SYT2: variants seen among roughly 807,000 people sequenced by gnomAD.
SYT2 encodes synaptotagmin 2.
Under a neutral mutation model 39.9 loss-of-function variants are expected in SYT2, and 15 were observed. The observed-to-expected ratio is 0.38, with a 90% CI of 0.25 to 0.58. The LOEUF is 0.58. Ranked by LOEUF, SYT2 falls within the 20% of genes least tolerant of loss-of-function variation. The pLI, the probability that SYT2 is intolerant of heterozygous loss-of-function variation, is 0.70. For synonymous variants in SYT2, 181 were observed against 204.5 expected, an observed-to-expected ratio of 0.89 and a Z score of 0.98; for missense variants, 389 against 530.3, an observed-to-expected ratio of 0.73 and a Z score of 2.62.
intron 1 of SYT2, among the ~76,000 whole-genome samples, chr1:202,707,650 C>CTG (rs1268770601): frequency 3.3e-5 from 5 of 152,248 alleles, no homozygotes; most frequent in Admixed American, 6.5e-5. Flanking sequence ...ACTCTGTCCT[C>CTG]ACTGCCTTCT....
intron 1 of SYT2, among the ~76,000 whole-genome samples, chr1:202,698,411 G>T (rs1358023777): frequency 2.0e-5 from 3 of 152,156 alleles, no homozygotes; most frequent in African/African-American, 7.2e-5. Flanking sequence ...TCTGAAGGCG[G>T]TTCCTCCACC....
intron 7 of SYT2, 98 bp downstream of exon 7, chr1:202,600,259 G>A: frequency 1.0e-6 from 1 of 996,850 alleles, no homozygotes; most frequent in Non-Finnish European, 1.5e-6. Flanking sequence ...TCCCAGGGCA[G>A]CAAAGTGTTC....
chr1:202,622,772 G>A (rs140183489), intron 1 of SYT2, among the ~76,000 whole-genome samples: 1 of 152,248 alleles, frequency 6.6e-6, no homozygotes, highest in African/African-American at 2.4e-5. Flanking sequence ...CCTCACACCT[G>A]CCTCGGATTA....
chr1:202,665,107 G>GCTCTTA (rs1692457549), intron 1 of SYT2, among the ~76,000 whole-genome samples: 1 of 152,092 alleles, frequency 6.6e-6, no homozygotes, highest in African/African-American at 2.4e-5. Context: ...TGTATATTCT[G>GCTCTTA]CTCTTACTCT....
intron 1 of SYT2, among the ~76,000 whole-genome samples, chr1:202,638,710 G>A (rs1437393630): frequency 2.6e-5 from 4 of 152,194 alleles, no homozygotes; most frequent in African/African-American, 9.7e-5. Flanking sequence ...GGCCCTACAC[G>A]CTGCAACCTT....
intron 1 of SYT2, among the ~76,000 whole-genome samples, chr1:202,607,885 T>TC (rs1245862223): frequency 6.6e-6 from 1 of 152,086 alleles, no homozygotes; most frequent in Non-Finnish European, 1.5e-5. Context: ...TGTGACCTTT[T>TC]TTTTTTAAAA....
At chr1:202,616,518 G>C (rs1001246050) in intron 1 of SYT2, among the ~76,000 whole-genome samples, 1 of 151,772 alleles carries the variant, frequency 6.6e-6, no homozygotes, top group African/African-American at 2.4e-5. Flanking sequence ...ATATACACAC[G>C]TGCACACACA....
In SYT2 at chr1:202,628,576, C is replaced by CG. The variant is rs1691483879; in HGVS notation, c.-17-22788dup. ...AAACTAAAGTGGAGCATGCAAGTCC[C>CG]GGGGGCACAATTAGGTGCTCCAAAG... On this transcript the variant is annotated intron_variant, in intron 1 of 8. Coordinates refer to ENST00000367268, the MANE Select transcript of SYT2 (RefSeq NM_177402.5). This position sits in a 1 kb window ranked among gnomAD's most constrained non-coding sequence, Gnocchi z 4.2. Among the ~76,000 whole-genome samples, 1 of 152,162 alleles carries CG rather than the reference C, an allele frequency of 6.6e-6. No individual in the cohort carries two copies. The highest frequency in any genetic ancestry group is 2.4e-5 in the African/African-American group (1 of 41,428).
chr1:202,701,872 C>A (rs1215906669), intron 1 of SYT2, among the ~76,000 whole-genome samples: 1 of 152,164 alleles, frequency 6.6e-6, no homozygotes, highest in Non-Finnish European at 1.5e-5. Flanking sequence ...CAGATGAGGA[C>A]CCCGAAGTTC....
intron 1 of SYT2, among the ~76,000 whole-genome samples, chr1:202,669,146 A>C (rs1383182202): frequency 6.6e-6 from 1 of 152,230 alleles, no homozygotes; most frequent in East Asian, 1.9e-4. Context: ...GAGTCACATA[A>C]CTAGACAAAA....
intron 1 of SYT2, among the ~76,000 whole-genome samples, chr1:202,607,537 G>A (rs1690747827): frequency 6.6e-6 from 1 of 152,150 alleles, no homozygotes; most frequent in Non-Finnish European, 1.5e-5. Context: ...GAGCTCTTAA[G>A]TTCTGTCCCT....
At chr1:202,682,900 C>G (rs535541038) in intron 1 of SYT2, among the ~76,000 whole-genome samples, 1 of 152,204 alleles carries the variant, frequency 6.6e-6, no homozygotes, top group South Asian at 2.1e-4. Flanking sequence ...GCCCACAAAT[C>G]AATAAGAAGA....
At chr1:202,693,809 G>T (rs184279796) in intron 1 of SYT2, among the ~76,000 whole-genome samples, 2 of 152,304 alleles carry the variant, frequency 1.3e-5, no homozygotes, top group Admixed American at 6.5e-5. Context: ...CCTGAGGCTG[G>T]TAAGTTATAT....
intron 1 of SYT2, chr1:202,643,396 T>G (rs1691988088): frequency 6.5e-6 from 1 of 152,782 alleles, no homozygotes; most frequent in Admixed American, 6.5e-5. Context: ...CCGCCGGCCC[T>G]GCCGCTGCGG....
At chr1:202,689,138 G>A (rs922490026) in intron 1 of SYT2, among the ~76,000 whole-genome samples, 2 of 152,164 alleles carry the variant, frequency 1.3e-5, no homozygotes, top group African/African-American at 4.8e-5. Context: ...GCTGAGCTGT[G>A]ATCAGGAAAG....
chr1:202,640,734 C>CAGAGAGAGAGAGAGAGAGAG (rs56979202), intron 1 of SYT2, among the ~76,000 whole-genome samples: 5 of 90,670 alleles, frequency 5.5e-5, no homozygotes, highest in African/African-American at 7.5e-5. Context: ...TCCTAATGGT[C>CAGAGAGAGAGAGAGAGAGAG]AGAGAGAGAG....
intron 1 of SYT2, among the ~76,000 whole-genome samples, chr1:202,668,483 T>C (rs540692718): frequency 1.3e-5 from 2 of 152,302 alleles, no homozygotes; most frequent in South Asian, 4.1e-4. Flanking sequence ...TAGGTAGAAT[T>C]ACTATAAGAT....
intron 1 of SYT2, among the ~76,000 whole-genome samples, chr1:202,646,313 T>C (rs1692080437): frequency 6.6e-6 from 1 of 152,220 alleles, no homozygotes; most frequent in South Asian, 2.1e-4. Context: ...TTTGTACATG[T>C]TGTCCTCCAC....
intron 4 of SYT2, 78 bp downstream of exon 4, chr1:202,602,921 G>C (rs1296319877): frequency 6.5e-7 from 1 of 1,542,868 alleles, no homozygotes; most frequent in Non-Finnish European, 8.9e-7. Flanking sequence ...CTCTGAGGGA[G>C]CTGTTTCTAT....
Sources: allele counts gnomAD v4.1 joint callset (sites outside exome capture counted in the v4.1 genomes callset), GRCh38; gene constraint gnomAD v4.1.1; non-coding constraint Gnocchi (gnomAD v3.1); transcripts MANE v1.5; gene names NCBI Gene and HGNC (gene_info 2026-07-23, HGNC 2026-07-21).